HTR1E: variants seen among roughly 807,000 people sequenced by gnomAD.
The protein encoded by HTR1E is 5-HT-1E.
A neutral mutation model predicts 3.4 loss-of-function variants in HTR1E; 3 were observed. That is an observed-to-expected ratio of 0.89 (90% CI 0.41 to 2.31). HTR1E has a LOEUF of 2.31. Ranked by LOEUF, HTR1E falls within the 30% of genes most tolerant of loss-of-function variation. The pLI is 0.05. For synonymous variants in HTR1E, 170 were observed against 182.8 expected (o/e 0.93, Z 0.56); for missense variants, 392 against 467.0 (o/e 0.84, Z 1.48).
At chr6:86,997,160 A>T (rs1340033425) in intron 1 of HTR1E, among the ~76,000 whole-genome samples, 2 of 151,972 alleles carry the variant, frequency 1.3e-5, no homozygotes, top group African/African-American at 2.4e-5. Context: ...TATAAAAAAG[A>T]TTCACATAAA....
chr6:86,988,183 CCTT>C (rs1343582634), intron 1 of HTR1E, among the ~76,000 whole-genome samples: 1 of 152,044 alleles, frequency 6.6e-6, no homozygotes, highest in African/African-American at 2.4e-5. Context: ...GTTATCAGAC[CCTT>C]CTTTGGTACC....
chr6:87,011,751 A>G (rs1341463654), intron 1 of HTR1E, among the ~76,000 whole-genome samples: 1 of 152,198 alleles, frequency 6.6e-6, no homozygotes, highest in Admixed American at 6.5e-5. Context: ...AGTATCAGAC[A>G]GTAATCCCTA....
chr6:87,013,731 G>C (rs542675941), intron 1 of HTR1E, among the ~76,000 whole-genome samples: 1 of 151,540 alleles, frequency 6.6e-6, no homozygotes, highest in African/African-American at 2.4e-5. Flanking sequence ...AAATTAATTG[G>C]GGTGGCAAAG....
At chr6:86,992,133 C>T (rs988881824) in intron 1 of HTR1E, among the ~76,000 whole-genome samples, 1 of 152,168 alleles carries the variant, frequency 6.6e-6, no homozygotes, top group African/African-American at 2.4e-5. Flanking sequence ...TCTCAACCAC[C>T]CGCTTGCCTT....
intron 1 of HTR1E, among the ~76,000 whole-genome samples, chr6:87,009,826 G>A (rs766044895): frequency 0.026 from 2,909 of 109,820 alleles, 150 homozygotes; most frequent in Middle Eastern, 0.048. Flanking sequence ...CTGGCCGGGC[G>A]GGGGGACTGA....
chr6:86,959,431 C>T (rs1039025244), intron 1 of HTR1E, among the ~76,000 whole-genome samples: 3 of 151,862 alleles, frequency 2.0e-5, no homozygotes, highest in East Asian at 1.9e-4. Flanking sequence ...AAAATGCAAA[C>T]GTTAGCCAGG....
chr6:86,966,490 T>G (rs908057008), intron 1 of HTR1E, among the ~76,000 whole-genome samples: 6 of 152,208 alleles, frequency 3.9e-5, no homozygotes, highest in Middle Eastern at 3.2e-3. Flanking sequence ...CTTGGGCAAT[T>G]GTGGGAGACT....
At chr6:86,950,500 G>GT (rs1767222450) in intron 1 of HTR1E, among the ~76,000 whole-genome samples, 1 of 152,258 alleles carries the variant, frequency 6.6e-6, no homozygotes, top group Admixed American at 6.5e-5. Context: ...GGCTGCAAAG[G>GT]TATTGAACAA....
intron 1 of HTR1E, among the ~76,000 whole-genome samples, chr6:86,960,782 G>C (rs1562061657): frequency 6.6e-6 from 1 of 152,144 alleles, no homozygotes; most frequent in Non-Finnish European, 1.5e-5. Context: ...TAGTTTCATG[G>C]GATGTCTAAT....
intron 1 of HTR1E, among the ~76,000 whole-genome samples, chr6:86,973,308 G>GTGTGTGTGTGTGTGTGTC (rs1489752564): frequency 4.1e-5 from 6 of 147,372 alleles, no homozygotes; most frequent in Non-Finnish European, 7.4e-5. Context: ...CTGTGTGTGT[G>GTGTGTGTGTGTGTGTGTC]TGTGTGTGTG....
intron 1 of HTR1E, among the ~76,000 whole-genome samples, chr6:87,007,183 G>C (rs1443049738): frequency 2.0e-5 from 3 of 152,134 alleles, no homozygotes; most frequent in Non-Finnish European, 4.4e-5. Context: ...AACATGAATG[G>C]AACTGGAGAT....
At chr6:86,962,539 T>C (rs997056387) in intron 1 of HTR1E, among the ~76,000 whole-genome samples, 1 of 152,174 alleles carries the variant, frequency 6.6e-6, no homozygotes, top group African/African-American at 2.4e-5. Context: ...CTGCCAGTCA[T>C]ATGAAAGCAT....
chr6:87,013,654 A>G (rs1323566554), intron 1 of HTR1E, among the ~76,000 whole-genome samples: 5 of 148,584 alleles, frequency 3.4e-5, no homozygotes, highest in African/African-American at 1.3e-4. Context: ...ATATGAATAT[A>G]TATTTTCAAA....
At chr6:86,962,242 C>T (rs990533308) in intron 1 of HTR1E, among the ~76,000 whole-genome samples, 1 of 152,146 alleles carries the variant, frequency 6.6e-6, no homozygotes, top group Non-Finnish European at 1.5e-5. Context: ...AATAAAAAAA[C>T]ATTTTCCTGG....
chr6:87,010,159 C>T (rs1205232827), intron 1 of HTR1E, among the ~76,000 whole-genome samples: 2 of 126,758 alleles, frequency 1.6e-5, no homozygotes, highest in Non-Finnish European at 3.3e-5. Flanking sequence ...CCTCACCTCC[C>T]GGACGGGGCG....
chr6:86,975,267 C>A (rs1767614083), intron 1 of HTR1E, among the ~76,000 whole-genome samples: 2 of 152,202 alleles, frequency 1.3e-5, no homozygotes. Context: ...ATATGCAATT[C>A]CTATTTCCAA....
At chr6:86,983,401 G>A (rs776461459) in intron 1 of HTR1E, among the ~76,000 whole-genome samples, 58 of 152,230 alleles carry the variant, frequency 3.8e-4, no homozygotes, top group Admixed American at 1.2e-3. Context: ...TCAAGTTCTA[G>A]GAAAAGGAGG....
intron 1 of HTR1E, among the ~76,000 whole-genome samples, chr6:87,001,754 G>C (rs1768026980): frequency 6.6e-6 from 1 of 152,114 alleles, no homozygotes. Context: ...AGGCCTGAAG[G>C]TCATTTCCTG....
At chr6:86,980,068 A>T (rs928235283) in intron 1 of HTR1E, among the ~76,000 whole-genome samples, 1 of 152,188 alleles carries the variant, frequency 6.6e-6, no homozygotes, top group Non-Finnish European at 1.5e-5. Flanking sequence ...GGATTATCTT[A>T]GCTGACAAGA....
Sources: gnomAD v4.1 joint callset for allele counts (sites outside exome capture counted in the v4.1 genomes callset) on GRCh38, gnomAD v4.1.1 for gene constraint, MANE v1.5 for transcripts, NCBI Gene and HGNC (gene_info 2026-07-23, HGNC 2026-07-21) for gene names.